Variants in APPBP2 observed in about 807,000 individuals in gnomAD.
APPBP2 encodes the protein amyloid beta precursor protein binding protein 2.
Under a neutral mutation model 76.0 loss-of-function variants are expected in APPBP2, and 15 were observed. The observed-to-expected ratio is 0.20, with a 90% CI of 0.13 to 0.30. The LOEUF (loss-of-function observed/expected upper bound fraction) is 0.30. APPBP2 is among the 10% of genes least tolerant of loss of function. APPBP2 has a pLI of 1.00. For synonymous variants in APPBP2, 222 were observed against 242.2 expected (o/e 0.92, Z 0.77); for missense variants, 401 against 687.2 (o/e 0.58, Z 4.66).
intron 2 of APPBP2, among the ~76,000 whole-genome samples, chr17:60,495,427 TTTTATTTATTTATTATTTATTTA>T (rs1486856228): frequency 2.3e-5 from 3 of 129,404 alleles, no homozygotes; most frequent in Non-Finnish European, 4.5e-5. Flanking sequence ...TTTAAAAATA[TTTTATTTATTTATTATTTATTTA>T]TTTATTTATT....
At position 60,446,249 on chromosome 17, in the gene APPBP2, T is replaced by C. The variant is rs956615013; in HGVS notation, c.*1332A>G. ...TTGAGGTAACAGCAAAATACCTTTTTGTTTCTTGAATTGCTACATGTCACA... is the reference window on the plus strand; with the variant it reads ...TTGAGGTAACAGCAAAATACCTTTTCGTTTCTTGAATTGCTACATGTCACA... On this transcript the variant is annotated 3_prime_UTR_variant, in exon 13 of 13. Transcript: ENST00000083182. The C allele has an allele frequency of 2.0e-5, 3 of 152,638 alleles. No individual in the cohort carries two copies. Among genetic ancestry groups the C allele is most frequent in the African/African-American group, 7.2e-5 (3 of 41,458 alleles). The allele number at this position is 152,638 out of a possible 1,614,324, so 9.5% of individuals were successfully genotyped here.
chr17:60,525,960 G>GCCTCCTCCT lies in APPBP2; in HGVS notation c.-38_-30dup. ...CCTTCCCTCCTCCTCCGCCTCCTCC[G>GCCTCCTCCT]CCTCCTCCTCCCGAAGGCCCCCACC... On this transcript the variant is annotated 5_prime_UTR_variant, in exon 1 of 13. Coordinates refer to ENST00000083182, the MANE Select transcript of APPBP2 (RefSeq NM_006380.5). The GCCTCCTCCT allele has an allele frequency of 6.4e-7, 1 of 1,557,628 alleles. No individual in the cohort carries two copies. Among genetic ancestry groups the GCCTCCTCCT allele is most frequent in the East Asian group, 2.4e-5 (1 of 42,360 alleles).
chr17:60,467,979 C>T (rs1214364924), intron 4 of APPBP2, among the ~76,000 whole-genome samples: 1 of 152,022 alleles, frequency 6.6e-6, no homozygotes, highest in African/African-American at 2.4e-5. Context: ...CCTTGCGGGC[C>T]GTGGAAAGGA....
chr17:60,500,764 A>G (rs1231045118), intron 1 of APPBP2, among the ~76,000 whole-genome samples: 1 of 152,238 alleles, frequency 6.6e-6, no homozygotes, highest in African/African-American at 2.4e-5. Context: ...ACAGATAAAA[A>G]TCATGTTAAA....
intron 1 of APPBP2, among the ~76,000 whole-genome samples, chr17:60,517,055 A>G (rs1382262000): frequency 6.6e-6 from 1 of 152,154 alleles, no homozygotes; most frequent in Non-Finnish European, 1.5e-5. Flanking sequence ...AGCTCGCTGC[A>G]GCCTCCGTCT....
chr17:60,455,921 G>A (rs2090427628), intron 10 of APPBP2, among the ~76,000 whole-genome samples: 1 of 152,102 alleles, frequency 6.6e-6, no homozygotes, highest in Admixed American at 6.5e-5. Context: ...GGGATTACAG[G>A]TGCACGCCAC....
At chr17:60,510,484 G>A (rs2090903115) in intron 1 of APPBP2, among the ~76,000 whole-genome samples, 1 of 151,730 alleles carries the variant, frequency 6.6e-6, no homozygotes, top group Non-Finnish European at 1.5e-5. Context: ...CACTCTGGGA[G>A]GCCAAGGTGG....
At chr17:60,514,800 T>C (rs2090949471) in intron 1 of APPBP2, among the ~76,000 whole-genome samples, 1 of 152,148 alleles carries the variant, frequency 6.6e-6, no homozygotes, top group African/African-American at 2.4e-5. Context: ...CTGATGTTAT[T>C]TTAAAACTTT....
rs2090351375 is a variant in APPBP2, at chr17:60,446,882, G to GCTAAATGATAGCAT, written c.*698_*699insATGCTATCATTTAG. 1 of 151,928 alleles carries GCTAAATGATAGCAT rather than the reference G, an allele frequency of 6.6e-6. No individual in the cohort carries two copies. Among genetic ancestry groups the GCTAAATGATAGCAT allele is most frequent in the African/African-American group, 2.4e-5 (1 of 41,240 alleles). The allele number at this position is 151,928 out of a possible 1,614,324, so 9.4% of individuals were successfully genotyped here. ...GTCCTTTTTAGATCCTCCTGGTCCTGTTAGCAAATGCTATCAGAGCATCTT... is the reference window on the plus strand; with the variant it reads ...GTCCTTTTTAGATCCTCCTGGTCCTGCTAAATGATAGCATTTAGCAAATGCTATCAGAGCATCTT... On this transcript the variant is annotated 3_prime_UTR_variant, in exon 13 of 13. Coordinates refer to ENST00000083182, the MANE Select transcript of APPBP2 (RefSeq NM_006380.5).
At chr17:60,522,530 A>T (rs2091017973) in intron 1 of APPBP2, among the ~76,000 whole-genome samples, 1 of 152,112 alleles carries the variant, frequency 6.6e-6, no homozygotes, top group Non-Finnish European at 1.5e-5. Context: ...TATGTTGCCT[A>T]GGCTGGTCTC....
intron 1 of APPBP2, among the ~76,000 whole-genome samples, chr17:60,519,894 C>T (rs1006549885): frequency 6.6e-6 from 1 of 151,400 alleles, no homozygotes; most frequent in Non-Finnish European, 1.5e-5. Flanking sequence ...AGCAATCCTC[C>T]TGCCTCAGCC....
In APPBP2 at chr17:60,518,886, T is replaced by G. The variant is rs545054718; in HGVS notation, c.138+6908A>C. On this transcript the variant is annotated intron_variant, in intron 1 of 12. Transcript: ENST00000083182. ...TTCATTCTTAGAAATGCCTTCTTCA[T>G]GCCAAGATGGCATTACAGTGTTGGC... 3.9e-5 allele frequency among the ~76,000 whole-genome samples: 6 copies of G among 152,334 alleles called. No individual in the cohort carries two copies. In the East Asian group the frequency reaches 1.2e-3, roughly 29 times the overall value.
At chr17:60,458,367 G>A (rs976546413) in intron 9 of APPBP2, among the ~76,000 whole-genome samples, 2 of 151,850 alleles carry the variant, frequency 1.3e-5, no homozygotes, top group Non-Finnish European at 2.9e-5. Context: ...CTGGGAGGTG[G>A]AGAGTGCAGT....
intron 12 of APPBP2, among the ~76,000 whole-genome samples, chr17:60,450,258 G>A (rs2090383028): frequency 6.6e-6 from 1 of 151,222 alleles, no homozygotes; most frequent in South Asian, 2.1e-4. Flanking sequence ...CCAACATGCT[G>A]AAACACCGTC....
chr17:60,498,558 T>TG (rs2143447467), intron 2 of APPBP2, among the ~76,000 whole-genome samples: 2 of 152,174 alleles, frequency 1.3e-5, no homozygotes, highest in Admixed American at 1.3e-4. Flanking sequence ...GAATGAATAA[T>TG]ACTGTATTCA....
chr17:60,520,564 C>T (rs1289617628), intron 1 of APPBP2, among the ~76,000 whole-genome samples: 3 of 127,882 alleles, frequency 2.3e-5, no homozygotes, highest in African/African-American at 1.1e-4. Context: ...CAGAACAAGA[C>T]TCTGTTAAAA....
At chr17:60,508,980 G>A (rs2090890383) in intron 1 of APPBP2, among the ~76,000 whole-genome samples, 1 of 152,160 alleles carries the variant, frequency 6.6e-6, no homozygotes, top group African/African-American at 2.4e-5. Flanking sequence ...AAATAAAACA[G>A]AAGGAAAGGT....
Position 60,456,348 on chromosome 17 carries a change from G to T in APPBP2, c.1095C>A (p.Thr365=). 1 of 1,610,814 alleles carries T rather than the reference G, an allele frequency of 6.2e-7. No individual in the cohort carries two copies. Among genetic ancestry groups the T allele is most frequent in the Non-Finnish European group, 8.5e-7 (1 of 1,177,242 alleles). ...FHAERAIGII[T]HILPEDHLLL... is the part of the protein sequence containing the mutation. ...GAAGATGATCTTCAGGTAGGATGTG[G>T]GTAATGATACCAATAGCTCTTTCTG... is the stretch of plus-strand genomic sequence containing the variant. Residue 365 remains threonine, a synonymous_variant, in exon 10 of 13, where the codon ACC becomes ACA. Transcript: ENST00000083182.
Position 60,526,171 on chromosome 17 carries a change from C to T in APPBP2, c.-240G>A, listed in dbSNP as rs888277147. The T allele has an allele frequency of 1.7e-4, 87 of 523,260 alleles. No homozygotes were observed. Among genetic ancestry groups the T allele is most frequent in the Non-Finnish European group, 2.7e-4 (78 of 288,692 alleles). The allele number at this position is 523,260 out of a possible 1,614,324, so 32.4% of individuals were successfully genotyped here. On this transcript the variant is annotated 5_prime_UTR_variant, in exon 1 of 13. Transcript: ENST00000083182. ...CAGCGGCCAGCCAGGCCAAAAGCGT[C>T]ACAATCCCGGTTCGAGAGGAACCCG...
Sources: allele counts gnomAD v4.1 joint callset (sites outside exome capture counted in the v4.1 genomes callset), GRCh38; gene constraint gnomAD v4.1.1; transcripts MANE v1.5; gene names NCBI Gene and HGNC (gene_info 2026-07-23, HGNC 2026-07-21).